Variants in ZNF385D observed in about 807,000 individuals in gnomAD.
ZNF385D encodes the protein zinc finger protein 385D, also known as zinc finger protein 659.
Under a neutral mutation model 35.8 loss-of-function variants are expected in ZNF385D, and 15 were observed. The observed-to-expected ratio is 0.42, with a 90% CI of 0.28 to 0.64. The LOEUF is 0.64. ZNF385D is among the 30% of genes least tolerant of loss of function. ZNF385D has a pLI of 0.23. For synonymous variants in ZNF385D, 212 were observed against 186.8 expected (o/e 1.13, Z -1.10); for missense variants, 474 against 494.6 (o/e 0.96, Z 0.39).
chr3:21,742,185 C>T (rs2069547666), intron 1 of ZNF385D, among the ~76,000 whole-genome samples: 1 of 152,212 alleles, frequency 6.6e-6, no homozygotes, highest in Non-Finnish European at 1.5e-5. Context: ...CACTGTCAGA[C>T]TTTTCAACTG....
chr3:22,156,651 T>G (rs2125731054), intron 3 of ZNF385D, among the ~76,000 whole-genome samples: 1 of 152,224 alleles, frequency 6.6e-6, no homozygotes, highest in South Asian at 2.1e-4. Flanking sequence ...CATAGCAGAC[T>G]TTTCCTTGCC....
chr3:21,780,292 C>T (rs998369329), intron 3 of ZNF385D, among the ~76,000 whole-genome samples: 7 of 151,946 alleles, frequency 4.6e-5, no homozygotes, highest in Non-Finnish European at 1.5e-5. Context: ...TAGATTAATA[C>T]AGTGCTCATG....
intron 3 of ZNF385D, among the ~76,000 whole-genome samples, chr3:21,866,814 G>C (rs535632507): frequency 6.6e-6 from 1 of 152,198 alleles, no homozygotes; most frequent in Non-Finnish European, 1.5e-5. Flanking sequence ...TCAATAATTA[G>C]AATCATCAGG....
chr3:22,267,709 T>C (rs1700966812), intron 2 of ZNF385D, among the ~76,000 whole-genome samples: 1 of 151,956 alleles, frequency 6.6e-6, no homozygotes, highest in African/African-American at 2.4e-5. Context: ...CTAAATGCAC[T>C]CCCATGTTAG....
chr3:22,071,259 T>A (rs1295244680), intron 3 of ZNF385D, among the ~76,000 whole-genome samples: 4 of 152,178 alleles, frequency 2.6e-5, no homozygotes, highest in Non-Finnish European at 5.9e-5. Flanking sequence ...TTCTTCAGTA[T>A]CTCTATATCA....
chr3:21,752,723 G>A (rs549229544), upstream of ZNF385D, among the ~76,000 whole-genome samples: 2 of 152,148 alleles, frequency 1.3e-5, no homozygotes, highest in Non-Finnish European at 2.9e-5. Context: ...AAAGCCACCA[G>A]AGGAAAATTT....
At chr3:22,371,862 C>A (rs761032929) in intron 2 of ZNF385D, among the ~76,000 whole-genome samples, 4 of 152,146 alleles carry the variant, frequency 2.6e-5, no homozygotes, top group Non-Finnish European at 5.9e-5. Flanking sequence ...CTTCATATAA[C>A]TCAAGAGCTT....
chr3:21,973,065 A>G (rs1302607485), intron 3 of ZNF385D, among the ~76,000 whole-genome samples: 2 of 152,008 alleles, frequency 1.3e-5, no homozygotes, highest in Non-Finnish European at 2.9e-5. Context: ...AACTCATTCT[A>G]TGAGATCAGG....
intron 3 of ZNF385D, among the ~76,000 whole-genome samples, chr3:21,832,513 T>G (rs557929448): frequency 1.4e-4 from 21 of 152,280 alleles, no homozygotes; most frequent in African/African-American, 4.3e-4. Flanking sequence ...TTACAGAAAG[T>G]TGTACTATGG....
At chr3:22,015,724 C>T (rs910703350) in intron 3 of ZNF385D, among the ~76,000 whole-genome samples, 1 of 152,056 alleles carries the variant, frequency 6.6e-6, no homozygotes, top group Non-Finnish European at 1.5e-5. Context: ...TTTTTACTAC[C>T]ATAGTATGTT....
chr3:21,805,073 T>A (rs2125693788), intron 3 of ZNF385D, among the ~76,000 whole-genome samples: 1 of 152,290 alleles, frequency 6.6e-6, no homozygotes, highest in Middle Eastern at 3.4e-3. Context: ...GGTTTCCGCT[T>A]TCAAACTATT....
intron 3 of ZNF385D, among the ~76,000 whole-genome samples, chr3:22,142,272 TAGG>T: frequency 6.6e-6 from 1 of 152,346 alleles, no homozygotes; most frequent in Admixed American, 6.5e-5. Flanking sequence ...AGCTTTTTAC[TAGG>T]AGTTTATATG....
chr3:22,300,508 A>G (rs528905963), intron 2 of ZNF385D, among the ~76,000 whole-genome samples: 4 of 151,994 alleles, frequency 2.6e-5, no homozygotes, highest in Non-Finnish European at 5.9e-5. Flanking sequence ...GACAACCTAT[A>G]GATGACCACA....
At chr3:21,629,618 T>G (rs2125832110) in intron 2 of ZNF385D, among the ~76,000 whole-genome samples, 1 of 152,232 alleles carries the variant, frequency 6.6e-6, no homozygotes, top group South Asian at 2.1e-4. Context: ...CCAATCAGCA[T>G]TTCCTCAGGC....
intron 3 of ZNF385D, among the ~76,000 whole-genome samples, chr3:22,163,810 G>A (rs944940898): frequency 6.6e-6 from 1 of 152,178 alleles, no homozygotes; most frequent in Non-Finnish European, 1.5e-5. Flanking sequence ...TTGTGAAGAT[G>A]AAAGTTCAAA....
intron 3 of ZNF385D, among the ~76,000 whole-genome samples, chr3:22,091,489 C>T (rs1701327673): frequency 6.6e-6 from 1 of 152,096 alleles, no homozygotes; most frequent in African/African-American, 2.4e-5. Context: ...TCAGAACACC[C>T]TGGTCTGTAG....
chr3:21,604,258 G>A (rs1224429746), intron 2 of ZNF385D, among the ~76,000 whole-genome samples: 1 of 151,888 alleles, frequency 6.6e-6, no homozygotes, highest in Non-Finnish European at 1.5e-5. Flanking sequence ...AGTCTGCTCT[G>A]TGTGTAGAAG....
chr3:22,345,485 GACA>G (rs1388733924), intron 2 of ZNF385D, among the ~76,000 whole-genome samples: 1 of 152,158 alleles, frequency 6.6e-6, no homozygotes. Context: ...GACAGTAAAT[GACA>G]ACAATATCCC....
intron 2 of ZNF385D, among the ~76,000 whole-genome samples, chr3:22,215,035 TTC>T (rs1161363353): frequency 2.0e-5 from 3 of 151,982 alleles, no homozygotes; most frequent in Non-Finnish European, 2.9e-5. Flanking sequence ...GCTTTACAAT[TTC>T]TCTCTTTTGT....
Sources: allele counts gnomAD v4.1 joint callset (sites outside exome capture counted in the v4.1 genomes callset), GRCh38; gene constraint gnomAD v4.1.1; transcripts MANE v1.5; gene names NCBI Gene and HGNC (gene_info 2026-07-23, HGNC 2026-07-21).